RUVBL2: variants seen among roughly 807,000 people sequenced by gnomAD.
RUVBL2 encodes the protein RuvB like AAA ATPase 2.
A neutral mutation model predicts 57.9 loss-of-function variants in RUVBL2; 9 were observed. That is an observed-to-expected ratio of 0.16 (90% CI 0.09 to 0.27). RUVBL2 has a LOEUF of 0.27. Ranked by LOEUF, RUVBL2 falls within the 10% of genes least tolerant of loss-of-function variation. RUVBL2 has a pLI of 1.00. For synonymous variants in RUVBL2, 278 were observed against 264.6 expected (o/e 1.05, Z -0.49); for missense variants, 456 against 669.6 (o/e 0.68, Z 3.52).
intron 6 of RUVBL2, among the ~76,000 whole-genome samples, chr19:49,008,008 CTTTTT>C (rs915809242): frequency 1.1e-5 from 1 of 90,386 alleles, no homozygotes; most frequent in African/African-American, 4.3e-5. Flanking sequence ...TACCTGGCCT[CTTTTT>C]TTTTTTTTTT....
intron 6 of RUVBL2, 109 bp from the exon 7 acceptor site, chr19:49,009,667 C>A: frequency 2.2e-6 from 2 of 905,100 alleles, no homozygotes; most frequent in South Asian, 1.5e-5. Context: ...CATTTTGAAG[C>A]TGTGGAAGCA....
chr19:49,015,254 A>G, intron 13 of RUVBL2, 104 bp downstream of exon 13: 2 of 1,469,494 alleles, frequency 1.4e-6, no homozygotes, highest in Non-Finnish European at 9.2e-7. Context: ...GTACGTTTTC[A>G]GACGCAGGGA....
intron 2 of RUVBL2, among the ~76,000 whole-genome samples, chr19:48,999,921 C>G (rs1289674342): frequency 6.6e-6 from 1 of 152,214 alleles, no homozygotes; most frequent in South Asian, 2.1e-4. Flanking sequence ...GAAGTTGAGA[C>G]GCAGTGAGGC....
intron 11 of RUVBL2, among the ~76,000 whole-genome samples, chr19:49,012,996 G>C (rs2039463192): frequency 6.6e-6 from 1 of 151,874 alleles, no homozygotes; most frequent in Admixed American, 6.6e-5. Context: ...ACGGAGTCTA[G>C]CTCTGTCACC....
At chr19:49,014,447 T>C in intron 11 of RUVBL2, 37 bp from the exon 12 acceptor site, 4 of 1,602,304 alleles carry the variant, frequency 2.5e-6, no homozygotes, top group South Asian at 2.2e-5. Flanking sequence ...AGAGGGAACA[T>C]GCCCCTGACA....
At position 49,011,272 on chromosome 19, in the gene RUVBL2, G is replaced by C. The variant is rs371917395; in HGVS notation, c.963G>C (p.Ala321=). 2.5e-6 allele frequency: 4 copies of C among 1,613,892 alleles called. No homozygotes were observed. In the South Asian group the frequency reaches 3.3e-5, roughly 13 times the overall value. The change falls in exon 11 of 15, where the codon GCG becomes GCC. Residue 321 remains alanine (A), a synonymous_variant. Coordinates refer to ENST00000595090, the MANE Select transcript of RUVBL2 (RefSeq NM_006666.3). This position sits in a 1 kb window ranked among gnomAD's most constrained non-coding sequence, Gnocchi z 4.4. ...FLNRALESDM[A]PVLIMATNRG... ...ACCGGGCCCTGGAGAGTGACATGGC[G>C]CCTGTCCTGATCATGGCCACCAACC...
At chr19:48,994,089 A>T in intron 1 of RUVBL2, 166 bp downstream of exon 1, 3 of 100,752 alleles carry the variant, frequency 3.0e-5, no homozygotes, top group Non-Finnish European at 5.8e-5. Context: ...CTGGGGGAGA[A>T]GGGGACATGG....
At chr19:49,004,500 C>T in intron 4 of RUVBL2, 82 bp downstream of exon 4, 1 of 1,383,316 alleles carries the variant, frequency 7.2e-7, no homozygotes, top group African/African-American at 1.4e-5. Flanking sequence ...GGATGAGCCG[C>T]CTTTAACAGA....
intron 2 of RUVBL2, among the ~76,000 whole-genome samples, chr19:49,002,249 C>T (rs1421938768): frequency 1.3e-5 from 2 of 151,956 alleles, no homozygotes; most frequent in African/African-American, 4.8e-5. Flanking sequence ...GGGGTTTCAC[C>T]ATGTTGGCCA....
intron 8 of RUVBL2, 192 bp from the exon 9 acceptor site, chr19:49,010,296 G>A (rs1029226661): frequency 2.0e-5 from 14 of 690,270 alleles, no homozygotes; most frequent in Admixed American, 2.8e-5. Flanking sequence ...GGGAGCCCCC[G>A]TGACCCTCAG....
rs771998178 is a variant in RUVBL2, at chr19:49,011,684, C to T, written c.1001+374C>T. ...ACTACGATTGTTCAGTCACTTCGAC[C>T]CAGCAACTCCATTAACAGAACTCTT... On this transcript the variant is annotated intron_variant, in intron 11 of 14. Coordinates refer to ENST00000595090, the MANE Select transcript of RUVBL2 (RefSeq NM_006666.3). The surrounding 1 kb of genome is among the most constrained non-coding windows in gnomAD (Gnocchi z 4.4). Among the ~76,000 whole-genome samples, 2 of 152,186 alleles carry T rather than the reference C, an allele frequency of 1.3e-5. No individual in the cohort carries two copies.
rs1293906487 is a variant in RUVBL2, at chr19:49,014,489, G to C, written c.1007G>C (p.Arg336Pro). The C allele has an allele frequency of 6.2e-7, 1 of 1,613,594 alleles. No homozygotes were observed. The highest frequency in any genetic ancestry group is 1.1e-5 in the South Asian group (1 of 91,064). ...TCTTTCTGCCTCTTCCTCAGAATCC[G>C]GGGCACCAGCTACCAGAGCCCTCAC... ...MATNRGITRI[R>P]GTSYQSPHGI... The change falls in exon 12 of 15, where the codon CGG (arginine) becomes CCG (proline). Residue 336 changes from arginine (R) to proline (P), a missense_variant. Around this residue, in one of 5 missense-constraint regions of RUVBL2, gnomAD observed 130 missense variants for 243.0 expected, o/e 0.53. Transcript: ENST00000595090.
At chr19:49,007,205 C>T (rs1169183538) in intron 5 of RUVBL2, 58 bp downstream of exon 5, 1 of 1,608,810 alleles carries the variant, frequency 6.2e-7, no homozygotes, top group Non-Finnish European at 8.5e-7. Context: ...AACCCCGCAC[C>T]CCGGGCGGCT....
intron 11 of RUVBL2, among the ~76,000 whole-genome samples, chr19:49,014,267 GC>G (rs1600198760): frequency 6.6e-6 from 1 of 152,256 alleles, no homozygotes; most frequent in Admixed American, 6.5e-5. Flanking sequence ...GCTTAAAGCA[GC>G]CCAGCTCCGC....
chr19:49,006,307 A>C (rs2039280425), intron 4 of RUVBL2, among the ~76,000 whole-genome samples: 1 of 152,238 alleles, frequency 6.6e-6, no homozygotes, highest in South Asian at 2.1e-4. Flanking sequence ...AACTGGAAGG[A>C]AAGGTCTGGC....
intron 1 of RUVBL2, among the ~76,000 whole-genome samples, chr19:48,997,817 T>A (rs2039092807): frequency 6.6e-6 from 1 of 152,150 alleles, no homozygotes; most frequent in Non-Finnish European, 1.5e-5. Context: ...TGTGTGGACC[T>A]CTGGGGGGGT....
chr19:49,006,466 C>T (rs553380724), intron 4 of RUVBL2, among the ~76,000 whole-genome samples: 1 of 152,366 alleles, frequency 6.6e-6, no homozygotes, highest in South Asian at 2.1e-4. Flanking sequence ...CCCATAGTCA[C>T]TCCTAAGCAG....
chr19:48,996,719 G>T (rs2039069736), intron 1 of RUVBL2, among the ~76,000 whole-genome samples: 1 of 152,138 alleles, frequency 6.6e-6, no homozygotes, highest in African/African-American at 2.4e-5. Context: ...TGTAGACTGG[G>T]TTTCACCATG....
intron 2 of RUVBL2, among the ~76,000 whole-genome samples, chr19:49,000,135 G>C (rs960513578): frequency 2.0e-5 from 3 of 152,208 alleles, no homozygotes; most frequent in Admixed American, 6.5e-5. Flanking sequence ...GTTCCTCTCT[G>C]TGCCTCAGTT....
Sources: allele counts gnomAD v4.1 joint callset (sites outside exome capture counted in the v4.1 genomes callset), GRCh38; gene constraint gnomAD v4.1.1; regional missense constraint gnomAD v4.1.1; non-coding constraint Gnocchi (gnomAD v3.1); transcripts MANE v1.5; gene names NCBI Gene and HGNC (gene_info 2026-07-23, HGNC 2026-07-21).